Variants in GATA3 observed in about 807,000 individuals in gnomAD.
The protein encoded by GATA3 is trans-acting T-cell-specific transcription factor GATA-3.
GATA3 carries 6 observed loss-of-function variants against 36.0 expected under a neutral mutation model. The observed-to-expected ratio is 0.17, with a 90% confidence interval of 0.09 to 0.33. The LOEUF is 0.33. Among genes scored for constraint, GATA3 ranks in the 10% least tolerant of loss-of-function variants. The probability of loss-of-function intolerance (pLI) is 1.00; values close to 1 mark genes in which losing one functional copy is unlikely to be tolerated. For synonymous variants in GATA3, 326 were observed against 273.0 expected (o/e 1.19, Z -1.92); for missense variants, 514 against 610.1 (o/e 0.84, Z 1.66).
At chr10:8,048,161 C>T (rs36004324) in intron 1 of GATA3, among the ~76,000 whole-genome samples, 3,280 of 152,258 alleles carry the variant, frequency 0.022, 50 homozygotes, top group South Asian at 0.058. Flanking sequence ...CCTAAAAGGC[C>T]AAACTGAAGC....
chr10:8,059,406 G>C (rs1291197896), intron 3 of GATA3, among the ~76,000 whole-genome samples: 1 of 152,220 alleles, frequency 6.6e-6, no homozygotes, highest in Non-Finnish European at 1.5e-5. Context: ...TCTCTGCGTG[G>C]AAAAGGGGGC....
At chr10:8,072,342 G>A (rs985379268) in intron 5 of GATA3, among the ~76,000 whole-genome samples, 2 of 152,174 alleles carry the variant, frequency 1.3e-5, no homozygotes, top group African/African-American at 2.4e-5. Context: ...GGCGGAAGGC[G>A]ATGCTTTCAG....
At chr10:8,069,307 G>A (rs991543834) in intron 4 of GATA3, among the ~76,000 whole-genome samples, 166 bp from the exon 5 acceptor site, 3 of 151,788 alleles carry the variant, frequency 2.0e-5, no homozygotes, top group African/African-American at 7.3e-5. Flanking sequence ...TCTTCTCGAG[G>A]CAGCTTTTGG....
At chr10:8,056,824 T>G (rs1188520683) in intron 2 of GATA3, among the ~76,000 whole-genome samples, 1 of 151,994 alleles carries the variant, frequency 6.6e-6, no homozygotes, top group Non-Finnish European at 1.5e-5. Flanking sequence ...CTGTGTAGTT[T>G]GAGGAAAAAA....
intron 3 of GATA3, among the ~76,000 whole-genome samples, chr10:8,059,203 G>T (rs550532264): frequency 6.6e-6 from 1 of 152,206 alleles, no homozygotes; most frequent in Non-Finnish European, 1.5e-5. Context: ...AATAATTCTT[G>T]AGTGTTTCAT....
chr10:8,074,269 T>G lies in GATA3; in HGVS notation c.*246T>G. 2.0e-6 allele frequency: 1 copy of G among 492,852 alleles called. No individual in the cohort carries two copies. The highest frequency in any genetic ancestry group is 3.2e-5 in the East Asian group (1 of 31,646). The allele number at this position is 492,852 out of a possible 1,614,324, so 30.5% of individuals were successfully genotyped here. ...CATATCCCCTATTTAACAGGGTCTC[T>G]AGTGCTGTGAAAAAAAAAATGCTGA... On this transcript the variant is annotated 3_prime_UTR_variant, in exon 6 of 6. Coordinates refer to ENST00000379328, the MANE Select transcript of GATA3 (RefSeq NM_001002295.2).
chr10:8,049,586 C>G (rs1163733939), upstream of GATA3, among the ~76,000 whole-genome samples: 1 of 152,128 alleles, frequency 6.6e-6, no homozygotes, highest in Admixed American at 6.5e-5. Context: ...GCAGCCGGGG[C>G]CAGCGGCGGC....
At chr10:8,048,475 G>T (rs150313616) in intron 1 of GATA3, among the ~76,000 whole-genome samples, 2 of 152,180 alleles carry the variant, frequency 1.3e-5, no homozygotes, top group African/African-American at 4.8e-5. Flanking sequence ...AGGAGAGGTC[G>T]GGTCTAGAAG....
intron 5 of GATA3, 44 bp downstream of exon 5, chr10:8,069,642 G>A (rs1219095818): frequency 1.9e-6 from 3 of 1,611,650 alleles, no homozygotes; most frequent in East Asian, 4.5e-5. Context: ...GCTTCCTGAT[G>A]GTGACCAGCA....
intron 3 of GATA3, among the ~76,000 whole-genome samples, chr10:8,062,363 T>G (rs1832763698): frequency 3.2e-5 from 1 of 31,174 alleles, no homozygotes; most frequent in Non-Finnish European, 7.4e-5. Flanking sequence ...ACATCCTCAT[T>G]TTTTTTTTTT....
upstream of GATA3, chr10:8,051,146 CTGGGAGGGCGGG>C (rs1832480512): frequency 2.4e-6 from 1 of 424,896 alleles, no homozygotes; most frequent in Non-Finnish European, 4.7e-6. Flanking sequence ...CTCTTCGCCC[CTGGGAGGGCGGG>C]TGGGAGGGAC....
At chr10:8,047,834 G>A (rs188169160) in intron 1 of GATA3, among the ~76,000 whole-genome samples, 46 of 152,268 alleles carry the variant, frequency 3.0e-4, no homozygotes, top group African/African-American at 1.1e-3. Flanking sequence ...GGGGCAGTCC[G>A]GGACCAAGGG....
intron 4 of GATA3, 151 bp downstream of exon 4, chr10:8,064,289 C>T (rs894940620): frequency 2.7e-4 from 33 of 121,296 alleles, no homozygotes; most frequent in South Asian, 1.2e-3. Flanking sequence ...TTTCCTTTTT[C>T]TTTCTTTCTT....
upstream of GATA3, among the ~76,000 whole-genome samples, chr10:8,054,162 A>G (rs1348451271): frequency 1.3e-5 from 2 of 152,174 alleles, no homozygotes; most frequent in Non-Finnish European, 2.9e-5. The surrounding 1 kb of genome is among the most constrained non-coding windows in gnomAD (Gnocchi z 4.2). Flanking sequence ...CTTGACATGA[A>G]ACATTTTGTT....
In GATA3 at chr10:8,055,219, G is replaced by T. The variant is rs940330001; in HGVS notation, c.-369-68G>T. Reference sequence around the variant, plus strand: ...CGGGTGCGCTGGGCGGGCGGGCGGCGCGAGGGGAGGTTGTGCCACTCCAGC... The same window carrying T: ...CGGGTGCGCTGGGCGGGCGGGCGGCTCGAGGGGAGGTTGTGCCACTCCAGC... On this transcript the variant is annotated intron_variant, in intron 1 of 5. Coordinates refer to ENST00000379328, the MANE Select transcript of GATA3 (RefSeq NM_001002295.2). This position sits in a 1 kb window ranked among gnomAD's most constrained non-coding sequence, Gnocchi z 5.4. 7 of 270,112 alleles carry T rather than the reference G, an allele frequency of 2.6e-5. No individual in the cohort carries two copies. The highest frequency in any genetic ancestry group is 4.9e-5 in the Non-Finnish European group (7 of 142,266). 16.7% of individuals were successfully genotyped at this position (270,112 alleles called of 1,614,324 possible).
chr10:8,059,314 A>G (rs1449181165), intron 3 of GATA3, among the ~76,000 whole-genome samples: 2 of 152,152 alleles, frequency 1.3e-5, no homozygotes, highest in Non-Finnish European at 2.9e-5. Flanking sequence ...CTCAAAGGGG[A>G]CCACGCAGTG....
chr10:8,063,486 C>T (rs34640685), intron 3 of GATA3, among the ~76,000 whole-genome samples: 3,140 of 152,326 alleles, frequency 0.021, 44 homozygotes, highest in Middle Eastern at 0.041. Context: ...GTTCACCTAT[C>T]TAGCCATTGA....
intron 1 of GATA3, chr10:8,045,539 C>T (rs1177967076): frequency 2.0e-5 from 3 of 152,318 alleles, no homozygotes; most frequent in African/African-American, 7.2e-5. Context: ...ACTCTCTTCC[C>T]TCTCTAACTC....
chr10:8,050,733 A>C, upstream of GATA3: 1 of 269,064 alleles, frequency 3.7e-6, no homozygotes, highest in South Asian at 3.4e-5. Context: ...GCCTGCAAAT[A>C]TTTGCTGCCT....
Sources: allele counts gnomAD v4.1 joint callset (sites outside exome capture counted in the v4.1 genomes callset), GRCh38; gene constraint gnomAD v4.1.1; non-coding constraint Gnocchi (gnomAD v3.1); transcripts MANE v1.5; gene names NCBI Gene and HGNC (gene_info 2026-07-23, HGNC 2026-07-21).